Variants in MYO16 observed in about 807,000 individuals in gnomAD.
MYO16 encodes unconventional myosin-XVI.
Under a neutral mutation model 205.3 loss-of-function variants are expected in MYO16, and 94 were observed. The ratio of observed to expected loss-of-function variants is 0.46; its 90% CI spans 0.39 to 0.54. The LOEUF is 0.54. MYO16 is among the 20% of genes least tolerant of loss of function. The pLI, the probability that MYO16 is intolerant of heterozygous loss-of-function variation, is 0.00. For missense variants in MYO16, 2,315 were observed against 2,387.5 expected, an observed-to-expected ratio of 0.97 and a Z score of 0.63; for synonymous variants, 988 against 954.0, an observed-to-expected ratio of 1.04 and a Z score of -0.66.
At chr13:108,718,810 GA>G (rs1371898974) in intron 3 of MYO16, among the ~76,000 whole-genome samples, 2 of 152,082 alleles carry the variant, frequency 1.3e-5, no homozygotes, top group African/African-American at 4.8e-5. Context: ...CCCTAGTTCA[GA>G]ATTTTAGATC....
intron 5 of MYO16, among the ~76,000 whole-genome samples, chr13:108,791,912 C>T (rs1206981826): frequency 6.6e-6 from 1 of 152,210 alleles, no homozygotes; most frequent in East Asian, 1.9e-4. Flanking sequence ...CTGTGCTAGG[C>T]TTTCTCTTGA....
intron 3 of MYO16, 135 bp downstream of exon 3, chr13:108,712,866 T>C (rs567382742): frequency 6.3e-6 from 4 of 639,170 alleles, no homozygotes; most frequent in Admixed American, 6.4e-5. Context: ...TTAACAGGCT[T>C]GGATGATAAG....
At chr13:109,110,160 A>C (rs906690931) in intron 28 of MYO16, among the ~76,000 whole-genome samples, 1 of 152,218 alleles carries the variant, frequency 6.6e-6, no homozygotes, top group African/African-American at 2.4e-5. Flanking sequence ...AGAAAGATCA[A>C]ATGTGTGCTC....
chr13:109,190,626 T>C (rs1376514655), intron 34 of MYO16, among the ~76,000 whole-genome samples: 1 of 152,220 alleles, frequency 6.6e-6, no homozygotes, highest in Non-Finnish European at 1.5e-5. Flanking sequence ...AATCCCATGT[T>C]AAAAATGTAT....
At chr13:109,132,455 C>G (rs1876585691) in intron 31 of MYO16, among the ~76,000 whole-genome samples, 1 of 152,202 alleles carries the variant, frequency 6.6e-6, no homozygotes, top group African/African-American at 2.4e-5. Context: ...TCTTTACTCT[C>G]TTGTTTCTGT....
rs138122093 is a variant in MYO16, at chr13:108,709,168, C to T, written c.293-3493C>T. Among the ~76,000 whole-genome samples, 12 of 152,210 alleles carry T rather than the reference C, an allele frequency of 7.9e-5. No homozygotes were observed. In the East Asian group the frequency reaches 1.5e-3, roughly 20 times the overall value. Reference sequence around the variant, plus strand: ...TGTTTTCCTTAGGCTGTTTCCTTGCCGATTTTGTCATAACAGAAAGATTCA... The same window carrying T: ...TGTTTTCCTTAGGCTGTTTCCTTGCTGATTTTGTCATAACAGAAAGATTCA... On this transcript the variant is annotated intron_variant, in intron 2 of 34. Transcript: ENST00000457511.
the MYO16 span, among the ~76,000 whole-genome samples, chr13:108,564,284 C>T: frequency 6.6e-6 from 1 of 151,422 alleles, no homozygotes; most frequent in African/African-American, 2.4e-5. Context: ...GATTCTCCTG[C>T]TTCAGCATCC....
At chr13:108,650,172 T>C (rs9555490) in intron 1 of MYO16, among the ~76,000 whole-genome samples, 18,690 of 101,948 alleles carry the variant, frequency 0.18, 1,301 homozygotes, top group East Asian at 0.39. Context: ...CACATGAAAA[T>C]CATGCATTTT....
intron 23 of MYO16, among the ~76,000 whole-genome samples, chr13:109,033,615 C>A (rs551376569): frequency 1.3e-4 from 20 of 152,216 alleles, no homozygotes; most frequent in African/African-American, 4.6e-4. Flanking sequence ...ACTAAATTTT[C>A]AAAGAGCAGA....
At chr13:108,525,028 T>C in the MYO16 span, among the ~76,000 whole-genome samples, 1 of 152,212 alleles carries the variant, frequency 6.6e-6, no homozygotes, top group Non-Finnish European at 1.5e-5. Flanking sequence ...AAAATAATAG[T>C]TCATATTCAG....
chr13:108,820,973 A>G (rs1448905579), intron 8 of MYO16, among the ~76,000 whole-genome samples: 1 of 152,102 alleles, frequency 6.6e-6, no homozygotes, highest in Admixed American at 6.6e-5. Context: ...ATATTCATAT[A>G]CTTATTTAAT....
At chr13:108,867,287 G>A in intron 12 of MYO16, among the ~76,000 whole-genome samples, 1 of 152,096 alleles carries the variant, frequency 6.6e-6, no homozygotes, top group East Asian at 1.9e-4. Flanking sequence ...GATCACTTGG[G>A]CCCAAGAAGT....
chr13:108,607,358 G>A (rs1022141126), intron 1 of MYO16, among the ~76,000 whole-genome samples: 3 of 152,124 alleles, frequency 2.0e-5, no homozygotes, highest in Non-Finnish European at 4.4e-5. Context: ...TAATCCCTAC[G>A]TGTTGGGGGA....
At chr13:109,048,190 TG>T in intron 24 of MYO16, 1 of 526,884 alleles carries the variant, frequency 1.9e-6, no homozygotes, top group Admixed American at 3.2e-5. Context: ...TGTGTGTGTG[TG>T]TGTGTGTGTG....
chr13:108,768,660 C>T (rs1072188), intron 4 of MYO16, among the ~76,000 whole-genome samples: 74,564 of 151,938 alleles, frequency 0.49, 19,798 homozygotes, highest in East Asian at 0.63. Flanking sequence ...TTCCAATATA[C>T]GTCTTTGAAG....
At chr13:108,561,115 C>T in the MYO16 span, among the ~76,000 whole-genome samples, 8 of 152,158 alleles carry the variant, frequency 5.3e-5, no homozygotes, top group Admixed American at 3.3e-4. Context: ...TGAACAGGGA[C>T]GGGTCTGTCT....
chr13:108,860,833 A>G (rs890965322), intron 11 of MYO16, among the ~76,000 whole-genome samples: 2 of 152,166 alleles, frequency 1.3e-5, no homozygotes, highest in Admixed American at 6.5e-5. Context: ...ACCCAAAACT[A>G]TAAAAACCCA....
intron 27 of MYO16, among the ~76,000 whole-genome samples, chr13:109,089,399 A>G (rs1225328074): frequency 6.6e-6 from 1 of 151,882 alleles, no homozygotes; most frequent in Admixed American, 6.6e-5. Flanking sequence ...TTTTTAGTAG[A>G]GACGGGGTTT....
In MYO16 at chr13:108,739,142, G is replaced by A. The variant is rs559130877; in HGVS notation, c.507+11559G>A. On this transcript the variant is annotated intron_variant, in intron 4 of 34. Transcript: ENST00000457511. ...AGCATTTAGTCCATTTACATTTAAG[G>A]TTAATATTGTTATGTGTGAATTTGA... Among the ~76,000 whole-genome samples the A allele has an allele frequency of 4.7e-4, 71 of 152,214 alleles. No individual in the cohort carries two copies. The South Asian group carries it at 0.014, about 30-fold the overall frequency.
Sources: gnomAD v4.1 joint callset for allele counts (sites outside exome capture counted in the v4.1 genomes callset) on GRCh38, gnomAD v4.1.1 for gene constraint, MANE v1.5 for transcripts, NCBI Gene and HGNC (gene_info 2026-07-23, HGNC 2026-07-21) for gene names.